The following GIPC2 variants were observed in gnomAD, a reference collection of about 807,000 sequenced individuals.
The protein encoded by GIPC2 is PDZ domain-containing protein GIPC2.
In GIPC2, 30 loss-of-function variants were observed where a neutral mutation model predicts 30.6. The observed-to-expected ratio is 0.98, with a 90% CI of 0.73 to 1.33. The LOEUF (loss-of-function observed/expected upper bound fraction) is 1.33. GIPC2 is among the 40% of genes most tolerant of loss of function. The pLI is 0.00. For synonymous variants in GIPC2, 167 were observed against 150.0 expected (o/e 1.11, Z -0.83); for missense variants, 414 against 390.3 (o/e 1.06, Z -0.51).
At chr1:78,119,575 A>G (rs545756218) in intron 4 of GIPC2, 76 bp downstream of exon 4, 50 of 882,162 alleles carry the variant, frequency 5.7e-5, no homozygotes, top group Non-Finnish European at 8.5e-5. Flanking sequence ...TCTAACCAAA[A>G]CTTGGACTTT....
chr1:78,094,858 G>A (rs1487650029), intron 2 of GIPC2, 94 bp from the exon 3 acceptor site: 1 of 838,034 alleles, frequency 1.2e-6, no homozygotes, highest in Non-Finnish European at 1.9e-6. Context: ...GTACTAACCA[G>A]GCCCAAACCT....
At chr1:78,131,703 T>G (rs1662901378) in intron 5 of GIPC2, among the ~76,000 whole-genome samples, 1 of 152,232 alleles carries the variant, frequency 6.6e-6, no homozygotes, top group African/African-American at 2.4e-5. Flanking sequence ...ACCATTTACT[T>G]ATCCTGTAAA....
chr1:78,050,174 C>T (rs532098046), intron 1 of GIPC2, among the ~76,000 whole-genome samples: 11 of 151,918 alleles, frequency 7.2e-5, no homozygotes, highest in Admixed American at 4.6e-4. Context: ...CTGGGATTAC[C>T]GACGTGAGCT....
At chr1:78,071,183 T>C (rs1254136691) in intron 1 of GIPC2, among the ~76,000 whole-genome samples, 3 of 152,176 alleles carry the variant, frequency 2.0e-5, no homozygotes, top group Admixed American at 2.0e-4. Context: ...TGCATTATAC[T>C]GGGAAAATAA....
At chr1:78,089,254 A>G (rs1017295230) in intron 2 of GIPC2, among the ~76,000 whole-genome samples, 1 of 152,164 alleles carries the variant, frequency 6.6e-6, no homozygotes, top group South Asian at 2.1e-4. Context: ...TCTTAGCCAG[A>G]TCACTTATTT....
chr1:78,082,946 AT>A, intron 2 of GIPC2, among the ~76,000 whole-genome samples: 1 of 150,372 alleles, frequency 6.7e-6, no homozygotes, highest in African/African-American at 2.4e-5. Context: ...ATACACACAC[AT>A]ATATATATAT....
At chr1:78,131,519 G>T (rs891265035) in intron 5 of GIPC2, among the ~76,000 whole-genome samples, 3 of 152,088 alleles carry the variant, frequency 2.0e-5, no homozygotes, top group Non-Finnish European at 2.9e-5. Context: ...TTGCATTCAG[G>T]TTTATTATTG....
intron 1 of GIPC2, among the ~76,000 whole-genome samples, chr1:78,063,209 G>A (rs145980360): frequency 1.6e-3 from 240 of 152,250 alleles, no homozygotes; most frequent in African/African-American, 5.6e-3. Flanking sequence ...ATCTTAAAAG[G>A]CATCAAGCAG....
At chr1:78,093,302 A>G (rs1480655973) in intron 2 of GIPC2, among the ~76,000 whole-genome samples, 1 of 152,128 alleles carries the variant, frequency 6.6e-6, no homozygotes, top group African/African-American at 2.4e-5. Context: ...GTACTGAGTG[A>G]TTCCCATTGT....
At chr1:78,114,275 G>C (rs1662527187) in intron 3 of GIPC2, among the ~76,000 whole-genome samples, 1 of 152,216 alleles carries the variant, frequency 6.6e-6, no homozygotes, top group Non-Finnish European at 1.5e-5. Context: ...GAGAAGCCTT[G>C]TGCAGATCCG....
intron 5 of GIPC2, among the ~76,000 whole-genome samples, chr1:78,127,794 C>T (rs1008133554): frequency 2.6e-5 from 4 of 152,150 alleles, no homozygotes; most frequent in Non-Finnish European, 5.9e-5. Context: ...GTCCCAAGCA[C>T]TTCCCCTACC....
chr1:78,113,734 G>A (rs1201940832), intron 3 of GIPC2, among the ~76,000 whole-genome samples: 1 of 152,134 alleles, frequency 6.6e-6, no homozygotes, highest in Non-Finnish European at 1.5e-5. Context: ...GCCCAGGCTG[G>A]TCCTGAACTT....
At chr1:78,066,021 A>G (rs1661503954) in intron 1 of GIPC2, among the ~76,000 whole-genome samples, 1 of 152,236 alleles carries the variant, frequency 6.6e-6, no homozygotes, top group South Asian at 2.1e-4. Context: ...AGCAATTGCA[A>G]GAAAAAGCAA....
At chr1:78,092,080 CT>C in intron 2 of GIPC2, 1 of 1,447,114 alleles carries the variant, frequency 6.9e-7, no homozygotes, top group Non-Finnish European at 9.7e-7. Flanking sequence ...CACCCCCCGG[CT>C]TTGTGTCTGT....
At chr1:78,103,680 T>C (rs188568757) in intron 3 of GIPC2, among the ~76,000 whole-genome samples, 3 of 152,334 alleles carry the variant, frequency 2.0e-5, no homozygotes, top group African/African-American at 7.2e-5. Context: ...CAGAACATAA[T>C]GCAGACCATG....
Position 78,095,028 on chromosome 1 carries a change from A to G in GIPC2, c.503A>G (p.Glu168Gly). 6.2e-7 allele frequency: 1 copy of G among 1,605,916 alleles called. No homozygotes were observed. Among genetic ancestry groups the G allele is most frequent in the African/African-American group, 1.3e-5 (1 of 74,894 alleles). Residue 168 changes from glutamate to glycine, a missense_variant, in exon 3 of 6, where the codon GAA becomes GGA. Transcript: ENST00000370759. The stretch of plus-strand genomic sequence containing the variant: ...GATCATATTGAATCCATAAATGGAG[A>G]AAATATTGTTGGGTGGCGTCACTAT... Reference protein sequence around the residue: ...VGDHIESINGENIVGWRHYDV... With the variant: ...VGDHIESINGGNIVGWRHYDV...
chr1:78,046,188 C>T lies in GIPC2; in HGVS notation c.94C>T (p.Leu32Phe), dbSNP rs371010813. The T allele has an allele frequency of 3.2e-6, 5 of 1,578,052 alleles. No homozygotes were observed. In the African/African-American group the frequency reaches 6.9e-5, roughly 22 times the overall value. Residue 32 changes from leucine (L) to phenylalanine (F), a missense_variant, in exon 1 of 6, where the codon CTC becomes TTC. By Grantham distance (22) the Leu-to-Phe change is conservative (BLOSUM62 0). Transcript: ENST00000370759. ...GEPTGAGGGS[L>F]SASRAPARRL... ...GCCGACGGGCGCGGGCGGCGGGAGCCTCTCAGCGTCCCGGGCTCCCGCACG... is the reference window on the plus strand; with the variant it reads ...GCCGACGGGCGCGGGCGGCGGGAGCTTCTCAGCGTCCCGGGCTCCCGCACG...
chr1:78,110,601 A>T (rs560337904), intron 3 of GIPC2, among the ~76,000 whole-genome samples: 1 of 152,332 alleles, frequency 6.6e-6, no homozygotes, highest in South Asian at 2.1e-4. Context: ...TCTGGAAGGG[A>T]TAGAGAACGA....
At chr1:78,114,146 G>A (rs1662524770) in intron 3 of GIPC2, among the ~76,000 whole-genome samples, 1 of 152,194 alleles carries the variant, frequency 6.6e-6, no homozygotes, top group South Asian at 2.1e-4. Flanking sequence ...CAGGCGGACG[G>A]CCAGTACACT....
Sources: gnomAD v4.1 joint callset for allele counts (sites outside exome capture counted in the v4.1 genomes callset) on GRCh38, gnomAD v4.1.1 for gene constraint, MANE v1.5 for transcripts, NCBI Gene and HGNC (gene_info 2026-07-23, HGNC 2026-07-21) for gene names.